The following NUDT5 variants were observed in gnomAD, a reference collection of about 807,000 sequenced individuals.
The protein encoded by NUDT5 is ADP-sugar pyrophosphatase.
In NUDT5, 21 loss-of-function variants were observed where a neutral mutation model predicts 34.1. That is an observed-to-expected ratio of 0.62 (90% CI 0.44 to 0.89). The LOEUF (loss-of-function observed/expected upper bound fraction) is 0.89. Among genes scored for constraint, NUDT5 ranks in the 40% least tolerant of loss-of-function variants. NUDT5 has a pLI of 0.00. For synonymous variants in NUDT5, 85 were observed against 97.6 expected (o/e 0.87, Z 0.76); for missense variants, 249 against 274.8 (o/e 0.91, Z 0.66).
chr10:12,188,444 G>C (rs1835162791), intron 1 of NUDT5, among the ~76,000 whole-genome samples: 1 of 152,150 alleles, frequency 6.6e-6, no homozygotes, highest in Non-Finnish European at 1.5e-5. Context: ...GTGGCGGTGA[G>C]GCCGGGTGCG....
At chr10:12,184,012 A>G (rs1835084165) in intron 3 of NUDT5, among the ~76,000 whole-genome samples, 1 of 152,190 alleles carries the variant, frequency 6.6e-6, no homozygotes. Flanking sequence ...CATAAATTTA[A>G]TTCTGAATGC....
At chr10:12,194,740 C>T (rs553464590) in intron 1 of NUDT5, among the ~76,000 whole-genome samples, 198 of 152,312 alleles carry the variant, frequency 1.3e-3, no homozygotes, top group African/African-American at 4.7e-3. Context: ...GTCGGTGGGG[C>T]TGTTTCTAAT....
rs747618121 is a variant in NUDT5, at chr10:12,173,782, T to C, written c.321A>G (p.Ala107=). 1.9e-6 allele frequency: 3 copies of C among 1,614,042 alleles called. No homozygotes were observed. Among genetic ancestry groups the C allele is most frequent in the Admixed American group, 1.7e-5 (1 of 60,022 alleles). Reference sequence around the variant, plus strand: ...CTTCTTCAAGCTCCCGGAGAGCAGCTGCTTCTGGGGTTTCACCATCATCTA... The same window carrying C: ...CTTCTTCAAGCTCCCGGAGAGCAGCCGCTTCTGGGGTTTCACCATCATCTA... ...GLIDDGETPE[A]AALRELEEET... The change falls in exon 6 of 10, where the codon GCA becomes GCG. Residue 107 remains alanine, a synonymous_variant. Coordinates refer to ENST00000491614, the MANE Select transcript of NUDT5 (RefSeq NM_014142.4). This position sits in a 1 kb window ranked among gnomAD's most constrained non-coding sequence, Gnocchi z 4.7.
At chr10:12,177,279 C>T (rs190332399) in intron 5 of NUDT5, among the ~76,000 whole-genome samples, 37 of 152,196 alleles carry the variant, frequency 2.4e-4, no homozygotes, top group Non-Finnish European at 4.1e-4. Flanking sequence ...CAGCACTTTG[C>T]GAGGCCAAGG....
Position 12,170,186 on chromosome 10 carries a change from A to G in NUDT5, c.550+531T>C, listed in dbSNP as rs772385230. On this transcript the variant is annotated intron_variant, in intron 9 of 9. Transcript: ENST00000491614. The surrounding 1 kb of genome is among the most constrained non-coding windows in gnomAD (Gnocchi z 4.9). ...AAGATGGGTGGCCAAGAATTATACA[A>G]TGCATCTACATGACCAGTGATTTCT... The G allele has an allele frequency of 1.6e-5, 25 of 1,612,358 alleles. No individual in the cohort carries two copies. The highest frequency in any genetic ancestry group is 1.9e-5 in the Non-Finnish European group (23 of 1,179,534).
intron 3 of NUDT5, 144 bp downstream of exon 3, chr10:12,184,745 A>T: frequency 1.5e-6 from 1 of 659,786 alleles, no homozygotes; most frequent in African/African-American, 1.8e-5. Flanking sequence ...TGATGCAAAC[A>T]TCCTAACACT....
At chr10:12,184,801 A>C in intron 3 of NUDT5, 88 bp downstream of exon 3, 1 of 795,232 alleles carries the variant, frequency 1.3e-6, no homozygotes, top group Non-Finnish European at 2.1e-6. Flanking sequence ...TTTACAAAAA[A>C]GAAAACATCA....
chr10:12,181,040 C>A lies in NUDT5; in HGVS notation c.132-1908G>T, dbSNP rs1424733938. Among the ~76,000 whole-genome samples, 1 of 152,194 alleles carries A rather than the reference C, an allele frequency of 6.6e-6. No homozygotes were observed. The highest frequency in any genetic ancestry group is 2.4e-5 in the African/African-American group (1 of 41,436). Reference sequence around the variant, plus strand: ...TAGGATTCTCTAGCTGCTATTTTATCTCTTAGACTCGGCCCTTCATATCCG... The same window carrying A: ...TAGGATTCTCTAGCTGCTATTTTATATCTTAGACTCGGCCCTTCATATCCG... On this transcript the variant is annotated intron_variant, in intron 3 of 9. Transcript: ENST00000491614. This position sits in a 1 kb window ranked among gnomAD's most constrained non-coding sequence, Gnocchi z 5.0.
chr10:12,167,738 A>G lies in NUDT5; in HGVS notation c.624T>C (p.Asn208=), dbSNP rs114955327. The G allele has an allele frequency of 5.0e-6, 8 of 1,614,180 alleles. No homozygotes were observed. In the African/African-American group the frequency reaches 9.3e-5, roughly 19 times the overall value. Reference sequence around the variant, plus strand: ...AGAAGGGCACTTCAAATGGCTTTGCATTTGCATGTTTCAGTGCTAGAGCGT... The same window carrying G: ...AGAAGGGCACTTCAAATGGCTTTGCGTTTGCATGTTTCAGTGCTAGAGCGT... ...YSYALALKHA[N]AKPFEVPFLK... The change falls in exon 10 of 10, where the codon AAT becomes AAC. Residue 208 remains asparagine, a synonymous_variant. Coordinates refer to ENST00000491614, the MANE Select transcript of NUDT5 (RefSeq NM_014142.4).
intron 6 of NUDT5, 115 bp from the exon 7 acceptor site, chr10:12,172,981 AACT>A: frequency 2.8e-6 from 2 of 719,936 alleles, no homozygotes; most frequent in East Asian, 2.7e-5. Context: ...GATGCGGGAA[AACT>A]AGTTCTCACA....
chr10:12,184,820 G>T, intron 3 of NUDT5, 69 bp downstream of exon 3: 2 of 879,572 alleles, frequency 2.3e-6, no homozygotes, highest in Non-Finnish European at 3.6e-6. Flanking sequence ...CAAAGTTTAT[G>T]CAAAACACTC....
At position 12,167,785 on chromosome 10, in the gene NUDT5, C is replaced by T. The variant is rs1834741518; in HGVS notation, c.577G>A (p.Val193Met). Residue 193 changes from valine to methionine, a missense_variant, in exon 10 of 10, where the codon GTG becomes ATG. Transcript: ENST00000491614. Reference sequence around the variant, plus strand: ...GCGTAGGAATAGACCCTGGCGTCCACTGTGAGATGTTCTTCAGCTACCAGA... The same window carrying T: ...GCGTAGGAATAGACCCTGGCGTCCATTGTGAGATGTTCTTCAGCTACCAGA... ...DALVAEEHLT[V>M]DARVYSYALA... 2 of 1,614,042 alleles carry T rather than the reference C, an allele frequency of 1.2e-6. No homozygotes were observed. Among genetic ancestry groups the T allele is most frequent in the African/African-American group, 2.7e-5 (2 of 74,928 alleles).
At chr10:12,190,468 A>G (rs950360335) in intron 1 of NUDT5, among the ~76,000 whole-genome samples, 5 of 152,152 alleles carry the variant, frequency 3.3e-5, no homozygotes, top group African/African-American at 9.7e-5. Context: ...ACTGACCACT[A>G]TGCTTGCCCT....
In NUDT5 at chr10:12,173,836, T is replaced by C; in HGVS notation, c.290-23A>G. Reference sequence around the variant, plus strand: ...GACCTGCAAGTCCAAATCATTGGTGTGATGGGAGCGGGAAATCCGGTTCTT... The same window carrying C: ...GACCTGCAAGTCCAAATCATTGGTGCGATGGGAGCGGGAAATCCGGTTCTT... On this transcript the variant is annotated intron_variant, in intron 5 of 9. Coordinates refer to ENST00000491614, the MANE Select transcript of NUDT5 (RefSeq NM_014142.4). This position sits in a 1 kb window ranked among gnomAD's most constrained non-coding sequence, Gnocchi z 4.7. The C allele has an allele frequency of 6.4e-7, 1 of 1,558,862 alleles. No individual in the cohort carries two copies. Among genetic ancestry groups the C allele is most frequent in the South Asian group, 1.1e-5 (1 of 89,584 alleles).
Position 12,170,458 on chromosome 10 carries a change from C to G in NUDT5, c.550+259G>C. On this transcript the variant is annotated intron_variant, in intron 9 of 9. Transcript: ENST00000491614. This position sits in a 1 kb window ranked among gnomAD's most constrained non-coding sequence, Gnocchi z 4.9. ...CGTTTTGGCTACTCAGCAGGAATGT[C>G]ATCTGGGCCATTCTGTAGGAGAAAA... The G allele has an allele frequency of 1.6e-6, 1 of 615,224 alleles. No individual in the cohort carries two copies. Among genetic ancestry groups the G allele is most frequent in the Non-Finnish European group, 2.9e-6 (1 of 349,078 alleles). The allele number at this position is 615,224 out of a possible 1,614,324, so 38.1% of individuals were successfully genotyped here.
At chr10:12,186,618 C>CTTTTTTTTTTTT (rs201888699) in intron 1 of NUDT5, among the ~76,000 whole-genome samples, 1 of 120,330 alleles carries the variant, frequency 8.3e-6, no homozygotes. Context: ...TCAGATTTTT[C>CTTTTTTTTTTTT]TTTTTTTTTT....
chr10:12,179,152 A>G lies in NUDT5; in HGVS notation c.132-20T>C, dbSNP rs772691122. On this transcript the variant is annotated intron_variant, in intron 3 of 9. Transcript: ENST00000491614. The stretch of plus-strand genomic sequence containing the variant: ...CAAGTTCTGTTCAGGCAGAGAAGAA[A>G]AAAAAGTCATTAGTGCTACAGAAGA... 10 of 1,610,086 alleles carry G rather than the reference A, an allele frequency of 6.2e-6. 1 individual carries two copies. Among genetic ancestry groups the G allele is most frequent in the Non-Finnish European group, 8.5e-6 (10 of 1,178,286 alleles).
chr10:12,176,085 T>A (rs2131704528), intron 5 of NUDT5, among the ~76,000 whole-genome samples: 1 of 151,530 alleles, frequency 6.6e-6, no homozygotes, highest in African/African-American at 2.4e-5. Context: ...TAATCCCAGC[T>A]ACTCAGGAGG....
At chr10:12,174,891 C>T (rs952885426) in intron 5 of NUDT5, among the ~76,000 whole-genome samples, 7 of 150,266 alleles carry the variant, frequency 4.7e-5, no homozygotes, top group Non-Finnish European at 8.9e-5. Flanking sequence ...ACACCGAGGC[C>T]TGGGAATGAA....
Sources: allele counts gnomAD v4.1 joint callset (sites outside exome capture counted in the v4.1 genomes callset), GRCh38; gene constraint gnomAD v4.1.1; non-coding constraint Gnocchi (gnomAD v3.1); transcripts MANE v1.5; gene names NCBI Gene and HGNC (gene_info 2026-07-23, HGNC 2026-07-21).